Variants in C5orf22 observed in about 807,000 individuals in gnomAD.
C5orf22 encodes chromosome 5 open reading frame 22, also known as UPF0489 protein C5orf22.
In C5orf22, 36 loss-of-function variants were observed where a neutral mutation model predicts 48.7. The ratio of observed to expected loss-of-function variants is 0.74; its 90% CI spans 0.57 to 0.98. C5orf22 has a LOEUF of 0.98. Among genes scored for constraint, C5orf22 ranks in the 50% least tolerant of loss-of-function variants. C5orf22 has a pLI of 0.00. For missense variants in C5orf22, 486 were observed against 521.9 expected, an observed-to-expected ratio of 0.93 and a Z score of 0.67; for synonymous variants, 141 against 180.8, an observed-to-expected ratio of 0.78 and a Z score of 1.76.
At chr5:31,534,720 T>G (rs577191749) in intron 2 of C5orf22, 1 of 329,040 alleles carries the variant, frequency 3.0e-6, no homozygotes, top group African/African-American at 2.2e-5. Flanking sequence ...CCAATAAAGC[T>G]TTATTTACAA....
At position 31,541,481 on chromosome 5, in the gene C5orf22, T is replaced by C. The variant is rs1184335408; in HGVS notation, c.992+79T>C. On this transcript the variant is annotated intron_variant, in intron 6 of 8. Transcript: ENST00000325366. ...TATGTTCCTAAATTTGCAAGATACA[T>C]TGCTTTTAAAAAAGTAGTATTCAGC... The C allele has an allele frequency of 3.3e-6, 5 of 1,504,118 alleles. No homozygotes were observed. The Admixed American group carries it at 9.2e-5, about 28-fold the overall frequency. The allele number at this position is 1,504,118 out of a possible 1,614,324, so 93.2% of individuals were successfully genotyped here.
Position 31,545,727 on chromosome 5 carries a change from T to G in C5orf22, c.1059+15T>G. The G allele has an allele frequency of 6.5e-7, 1 of 1,527,822 alleles. No homozygotes were observed. Among genetic ancestry groups the G allele is most frequent in the Non-Finnish European group, 9.0e-7 (1 of 1,106,688 alleles). 94.6% of individuals were successfully genotyped at this position (1,527,822 alleles called of 1,614,324 possible). ...ACTATGAAATGGTAAATATTTTATA[T>G]TAATGTGTAAAATTGACCCTTTGTA... is the stretch of plus-strand genomic sequence containing the variant. On this transcript the variant is annotated intron_variant, in intron 7 of 8. Transcript: ENST00000325366.
intron 2 of C5orf22, among the ~76,000 whole-genome samples, chr5:31,535,361 A>T (rs1742010171): frequency 6.6e-6 from 1 of 152,326 alleles, no homozygotes; most frequent in Non-Finnish European, 1.5e-5. Context: ...AAAAATGTAT[A>T]CTCAGGATGG....
intron 6 of C5orf22, 39 bp from the exon 7 acceptor site, chr5:31,545,607 G>T (rs1172966519): frequency 7.2e-7 from 1 of 1,397,252 alleles, no homozygotes; most frequent in Non-Finnish European, 1.0e-6. Context: ...TAGTTGTGGT[G>T]GTTGTGATGT....
chr5:31,541,931 T>G (rs1462673881), intron 6 of C5orf22, among the ~76,000 whole-genome samples: 1 of 152,184 alleles, frequency 6.6e-6, no homozygotes, highest in Non-Finnish European at 1.5e-5. Context: ...ATTATGTCAA[T>G]TTTATAGATG....
In C5orf22 at chr5:31,541,304, T is replaced by C. The variant is rs1742449677; in HGVS notation, c.894T>C (p.Asp298=). Residue 298 remains aspartate (D), a synonymous_variant, in exon 6 of 9, where the codon GAT becomes GAC. Coordinates refer to ENST00000325366, the MANE Select transcript of C5orf22 (RefSeq NM_018356.3). ...LTEEDLVDIV[D]TRIHQLEDLE... Reference sequence around the variant, plus strand: ...AGGAAGATTTGGTAGATATTGTTGATACTCGAATTCATCAATTAGAGGATT... The same window carrying C: ...AGGAAGATTTGGTAGATATTGTTGACACTCGAATTCATCAATTAGAGGATT... 3.1e-6 allele frequency: 5 copies of C among 1,610,654 alleles called. No homozygotes were observed. Among genetic ancestry groups the C allele is most frequent in the Non-Finnish European group, 4.2e-6 (5 of 1,176,916 alleles).
At chr5:31,534,011 G>C (rs1035207811) in intron 1 of C5orf22, among the ~76,000 whole-genome samples, 1 of 152,206 alleles carries the variant, frequency 6.6e-6, no homozygotes, top group African/African-American at 2.4e-5. Flanking sequence ...GTCCTGGTCT[G>C]TTTCCCCACA....
At chr5:31,547,805 G>T (rs994816573) in intron 7 of C5orf22, among the ~76,000 whole-genome samples, 3 of 152,228 alleles carry the variant, frequency 2.0e-5, no homozygotes, top group African/African-American at 2.4e-5. Flanking sequence ...TCAGGCCTGT[G>T]ATGGGAGGGG....
chr5:31,543,656 G>A (rs1266407547), intron 6 of C5orf22, among the ~76,000 whole-genome samples: 1 of 152,174 alleles, frequency 6.6e-6, no homozygotes, highest in Non-Finnish European at 1.5e-5. Flanking sequence ...TGAAATGATA[G>A]AAGAGGGAGA....
At chr5:31,547,358 C>G (rs1467548447) in intron 7 of C5orf22, among the ~76,000 whole-genome samples, 2 of 152,240 alleles carry the variant, frequency 1.3e-5, no homozygotes, top group African/African-American at 4.8e-5. Flanking sequence ...TACAAGCTGT[C>G]AGTGGATCTA....
chr5:31,535,676 G>A, intron 2 of C5orf22, 68 bp from the exon 3 acceptor site: 1 of 1,292,416 alleles, frequency 7.7e-7, no homozygotes. Context: ...AAAATGTTGT[G>A]GATAAAATTA....
intron 7 of C5orf22, among the ~76,000 whole-genome samples, chr5:31,549,465 A>G (rs1645611901): frequency 6.8e-6 from 1 of 146,024 alleles, no homozygotes; most frequent in South Asian, 2.1e-4. Context: ...TTTTTGTTTA[A>G]CTTTTTTTTT....
chr5:31,532,704 C>T (rs1392919623), intron 1 of C5orf22, among the ~76,000 whole-genome samples: 1 of 151,980 alleles, frequency 6.6e-6, no homozygotes, highest in Non-Finnish European at 1.5e-5. Flanking sequence ...TCGGTTTGCC[C>T]CCAAATCCCA....
Position 31,538,585 on chromosome 5 carries a change from A to G in C5orf22, c.703A>G (p.Thr235Ala), listed in dbSNP as rs17410000. 3 of 1,613,586 alleles carry G rather than the reference A, an allele frequency of 1.9e-6. No homozygotes were observed. The East Asian group carries it at 6.7e-5, about 36-fold the overall frequency. ...TCAGGAATGCCAGACTGCTGCCAGC[A>G]CTGGGGAAATTCTGGAAATTTTGAA... Reference protein sequence around the residue: ...ENQECQTAASTGEILEILKKG... With the variant: ...ENQECQTAASAGEILEILKKG... The change falls in exon 4 of 9, where the codon ACT becomes GCT. Residue 235 changes from threonine to alanine, a missense_variant. Physicochemically the swap from Thr to Ala is moderately conservative, Grantham distance 58. Transcript: ENST00000325366.
At chr5:31,541,100 C>A in intron 5 of C5orf22, 89 bp downstream of exon 5, 1 of 1,105,856 alleles carries the variant, frequency 9.0e-7, no homozygotes, top group African/African-American at 1.7e-5. Context: ...TCAAAGACTG[C>A]TCAAAGTGTG....
intron 8 of C5orf22, 85 bp downstream of exon 8, chr5:31,551,517 C>G: frequency 9.2e-7 from 1 of 1,084,612 alleles, no homozygotes. Flanking sequence ...CATTATATGG[C>G]AAAAGGAAAT....
intron 3 of C5orf22, 64 bp downstream of exon 3, chr5:31,535,957 A>G (rs966315993): frequency 7.3e-6 from 11 of 1,505,280 alleles, no homozygotes; most frequent in African/African-American, 5.6e-5. Context: ...TTGGATTCCT[A>G]TAATAACTTC....
chr5:31,532,539 C>T (rs1741617212), intron 1 of C5orf22, 66 bp downstream of exon 1: 2 of 1,366,892 alleles, frequency 1.5e-6, no homozygotes, highest in Admixed American at 3.7e-5. Context: ...GAGGGCCAAG[C>T]AGAGGGCGCA....
chr5:31,534,580 C>G (rs1741961561), intron 2 of C5orf22, 163 bp downstream of exon 2: 3 of 630,882 alleles, frequency 4.8e-6, no homozygotes, highest in Non-Finnish European at 8.0e-6. Context: ...TGACAACTTT[C>G]TTAAAGAGCC....
Sources: gnomAD v4.1 joint callset for allele counts (sites outside exome capture counted in the v4.1 genomes callset) on GRCh38, gnomAD v4.1.1 for gene constraint, MANE v1.5 for transcripts, NCBI Gene and HGNC (gene_info 2026-07-23, HGNC 2026-07-21) for gene names.